Variants in FHIT observed in about 807,000 individuals in gnomAD.
FHIT encodes the protein bis(5'-adenosyl)-triphosphatase.
A neutral mutation model predicts 17.9 loss-of-function variants in FHIT; 19 were observed. That is an observed-to-expected ratio of 1.06 (90% confidence interval 0.74 to 1.56). The LOEUF (loss-of-function observed/expected upper bound fraction) is 1.56. Ranked by LOEUF, FHIT falls within the 40% of genes most tolerant of loss-of-function variation. The probability of loss-of-function intolerance (pLI) is 0.00; values close to 1 mark genes in which losing one functional copy is unlikely to be tolerated. For missense variants in FHIT, 248 were observed against 189.2 expected (o/e 1.31, Z -1.82); for synonymous variants, 81 against 69.7 (o/e 1.16, Z -0.81).
At position 60,223,119 on chromosome 3, in the gene FHIT, A is replaced by G. The variant is rs115424981; in HGVS notation, c.104-208967T>C. Among the ~76,000 whole-genome samples the G allele has an allele frequency of 3.4e-3, 520 of 152,318 alleles. 1 individual carries two copies. The highest frequency in any genetic ancestry group is 0.012 in the African/African-American group (482 of 41,584). ...GGGAAAACTGGATCAGAGATGAAGGAAGACTTTCTTCCAGGGATAGAGGCT... is the reference window on the plus strand; with the variant it reads ...GGGAAAACTGGATCAGAGATGAAGGGAGACTTTCTTCCAGGGATAGAGGCT... On this transcript the variant is annotated intron_variant, in intron 5 of 9. Coordinates refer to ENST00000492590, the MANE Select transcript of FHIT (RefSeq NM_002012.4).
At chr3:60,281,212 T>A (rs1050293150) in intron 5 of FHIT, among the ~76,000 whole-genome samples, 2 of 152,076 alleles carry the variant, frequency 1.3e-5, no homozygotes, top group Non-Finnish European at 2.9e-5. Context: ...AATAAACGAA[T>A]AGATATTCTG....
chr3:59,754,786 A>C (rs921281353), intron 8 of FHIT, among the ~76,000 whole-genome samples: 1 of 152,224 alleles, frequency 6.6e-6, no homozygotes, highest in Admixed American at 6.5e-5. Context: ...AAATAAAACA[A>C]AAACTAATCA....
At position 60,053,380 on chromosome 3, in the gene FHIT, C is replaced by G. The variant is rs1160723022; in HGVS notation, c.104-39228G>C. Among the ~76,000 whole-genome samples the G allele has an allele frequency of 5.4e-5, 8 of 149,020 alleles. No homozygotes were observed. The East Asian group carries it at 1.6e-3, about 29-fold the overall frequency. On this transcript the variant is annotated intron_variant, in intron 5 of 9. Coordinates refer to ENST00000492590, the MANE Select transcript of FHIT (RefSeq NM_002012.4). ...GCATCTTTGTGTCCCTAGCCCTTAG[C>G]AAAATGTCTGTCACATACGAGATAC...
intron 3 of FHIT, among the ~76,000 whole-genome samples, chr3:60,894,564 T>C (rs1029205633): frequency 6.6e-6 from 1 of 152,118 alleles, no homozygotes; most frequent in Non-Finnish European, 1.5e-5. Flanking sequence ...AAATGAGCTA[T>C]CTTGAAATGG....
intron 2 of FHIT, among the ~76,000 whole-genome samples, chr3:61,190,999 G>T (rs1403292445): frequency 2.0e-5 from 3 of 151,080 alleles, no homozygotes; most frequent in South Asian, 2.1e-4. Flanking sequence ...AGTTAATGGG[G>T]GCAGCACACC....
intron 8 of FHIT, among the ~76,000 whole-genome samples, chr3:59,835,050 GA>G (rs1701292177): frequency 6.6e-6 from 1 of 152,124 alleles, no homozygotes; most frequent in African/African-American, 2.4e-5. Flanking sequence ...TACTCATGCA[GA>G]CCTTGTTGTG....
chr3:59,868,047 T>TTTTA (rs397964099), intron 8 of FHIT, among the ~76,000 whole-genome samples: 4,774 of 111,344 alleles, frequency 0.043, 132 homozygotes, highest in Non-Finnish European at 0.063. Context: ...TTTTTTTTTT[T>TTTTA]AAAAAAAAAA....
At chr3:60,827,004 A>AAAAG (rs1234094074) in intron 3 of FHIT, among the ~76,000 whole-genome samples, 4 of 151,784 alleles carry the variant, frequency 2.6e-5, no homozygotes, top group African/African-American at 9.7e-5. Context: ...TCCCCCCACA[A>AAAAG]AAAGAAAACT....
Position 60,587,130 on chromosome 3 carries a change from A to G in FHIT, c.-17-50151T>C, listed in dbSNP as rs368267522. 6.6e-5 allele frequency among the ~76,000 whole-genome samples: 10 copies of G among 152,202 alleles called. No homozygotes were observed. The East Asian group carries it at 1.4e-3, about 21-fold the overall frequency. On this transcript the variant is annotated intron_variant, in intron 4 of 9. Transcript: ENST00000492590. ...ATGCCCATCAATAACAGACTAGATAAAGAAAAAGTAGTATATATACACCAC... is the reference window on the plus strand; with the variant it reads ...ATGCCCATCAATAACAGACTAGATAGAGAAAAAGTAGTATATATACACCAC...
intron 2 of FHIT, among the ~76,000 whole-genome samples, chr3:61,068,919 A>G (rs1225736030): frequency 1.3e-5 from 2 of 152,174 alleles, no homozygotes; most frequent in Non-Finnish European, 1.5e-5. Flanking sequence ...GAGAATAGAG[A>G]AACAAAAACT....
intron 4 of FHIT, among the ~76,000 whole-genome samples, chr3:60,748,975 C>G (rs2042414718): frequency 6.6e-6 from 1 of 152,032 alleles, no homozygotes; most frequent in African/African-American, 2.4e-5. Context: ...TAGTTTTGAT[C>G]CACTGTTAAT....
intron 7 of FHIT, among the ~76,000 whole-genome samples, chr3:59,934,288 C>T (rs1575723355): frequency 6.6e-6 from 1 of 152,016 alleles, no homozygotes; most frequent in Non-Finnish European, 1.5e-5. Context: ...GAGGTCTGCC[C>T]GATTCCAACA....
At position 60,005,823 on chromosome 3, in the gene FHIT, G is replaced by A. The variant is rs570994930; in HGVS notation, c.279+5548C>T. 2.6e-5 allele frequency among the ~76,000 whole-genome samples: 4 copies of A among 152,060 alleles called. No homozygotes were observed. The East Asian group carries it at 5.8e-4, about 22-fold the overall frequency. The stretch of plus-strand genomic sequence containing the variant: ...TTTCCAAATGAAAATAATAAGTAAC[G>A]GTAAAAGAAAATCATTTTCATCCTC... On this transcript the variant is annotated intron_variant, in intron 7 of 9. Transcript: ENST00000492590.
chr3:60,800,439 G>C (rs1333935322), intron 4 of FHIT, among the ~76,000 whole-genome samples: 2 of 152,156 alleles, frequency 1.3e-5, no homozygotes, highest in African/African-American at 4.8e-5. Flanking sequence ...GGCAGCCTTA[G>C]CCTGTGTTCC....
At chr3:60,118,168 G>A (rs1299636842) in intron 5 of FHIT, among the ~76,000 whole-genome samples, 1 of 152,054 alleles carries the variant, frequency 6.6e-6, no homozygotes, top group Non-Finnish European at 1.5e-5. Flanking sequence ...GTGCAGTAGT[G>A]CAATAATGTC....
At chr3:59,976,975 C>T (rs1416015895) in intron 7 of FHIT, among the ~76,000 whole-genome samples, 3 of 152,014 alleles carry the variant, frequency 2.0e-5, no homozygotes, top group Non-Finnish European at 4.4e-5. Context: ...ATGCTGCACA[C>T]CACCTGGTTG....
At chr3:60,566,637 G>A (rs1289573525) in intron 4 of FHIT, among the ~76,000 whole-genome samples, 1 of 152,020 alleles carries the variant, frequency 6.6e-6, no homozygotes, top group African/African-American at 2.4e-5. Flanking sequence ...GGAAATAAAG[G>A]GCATTCAGTT....
chr3:60,469,174 T>A (rs2032953372), intron 5 of FHIT, among the ~76,000 whole-genome samples: 1 of 152,170 alleles, frequency 6.6e-6, no homozygotes, highest in South Asian at 2.1e-4. Flanking sequence ...TTCTATTACC[T>A]TCCTGTACTT....
At chr3:60,521,923 C>G (rs1473315930) in intron 5 of FHIT, among the ~76,000 whole-genome samples, 1 of 152,062 alleles carries the variant, frequency 6.6e-6, no homozygotes, top group Non-Finnish European at 1.5e-5. Flanking sequence ...TTGTAACCAT[C>G]ATTTCCATGG....
Sources: gnomAD v4.1 joint callset for allele counts (sites outside exome capture counted in the v4.1 genomes callset) on GRCh38, gnomAD v4.1.1 for gene constraint, MANE v1.5 for transcripts, NCBI Gene and HGNC (gene_info 2026-07-23, HGNC 2026-07-21) for gene names.